The following TRPM3 variants were observed in gnomAD, a reference collection of about 807,000 sequenced individuals.
TRPM3 encodes the protein long transient receptor potential channel 3.
A neutral mutation model predicts 181.2 loss-of-function variants in TRPM3; 77 were observed. The ratio of observed to expected loss-of-function variants is 0.42; its 90% CI spans 0.35 to 0.51. The LOEUF is 0.51. Among genes scored for constraint, TRPM3 ranks in the 20% least tolerant of loss-of-function variants. The pLI, the probability that TRPM3 is intolerant of heterozygous loss-of-function variation, is 0.01. For missense variants in TRPM3, 1,759 were observed against 2,196.7 expected (o/e 0.80, Z 3.98); for synonymous variants, 745 against 796.4 (o/e 0.94, Z 1.09).
At chr9:71,169,058 T>C (rs543045055) in intron 1 of TRPM3, among the ~76,000 whole-genome samples, 1 of 152,210 alleles carries the variant, frequency 6.6e-6, no homozygotes, top group African/African-American at 2.4e-5. Context: ...AGGGAGATAA[T>C]AGGGAGTGGT....
At chr9:71,168,086 C>T (rs1400352108) in intron 1 of TRPM3, among the ~76,000 whole-genome samples, 1 of 152,068 alleles carries the variant, frequency 6.6e-6, no homozygotes, top group Non-Finnish European at 1.5e-5. Context: ...TAAAGCAAAA[C>T]AAGTTAAAAA....
intron 8 of TRPM3, among the ~76,000 whole-genome samples, chr9:70,696,922 G>T (rs776020527): frequency 2.6e-5 from 4 of 152,066 alleles, no homozygotes; most frequent in Non-Finnish European, 1.5e-5. Flanking sequence ...TCAGTCCCAC[G>T]GGCAGAGAAA....
In TRPM3 at chr9:70,549,617, A is replaced by G. The variant is rs1410957354; in HGVS notation, c.3632T>C (p.Ile1211Thr). 7 of 1,613,216 alleles carry G rather than the reference A, an allele frequency of 4.3e-6. No homozygotes were observed. The highest frequency in any genetic ancestry group is 2.2e-5 in the East Asian group (1 of 44,844). Reference sequence around the variant, plus strand: ...ATCCTTTTCTCTGAAGTATTCTTCTATGCATTGCTCTTCAAAGTCATGTAC... The same window carrying G: ...ATCCTTTTCTCTGAAGTATTCTTCTGTGCATTGCTCTTCAAAGTCATGTAC... Reference protein sequence around the residue: ...KKVHDFEEQCIEEYFREKDDR... With the variant: ...KKVHDFEEQCTEEYFREKDDR... Residue 1211 changes from isoleucine (I) to threonine (T), a missense_variant, in exon 25 of 26, where the codon ATA becomes ACA. By Grantham distance (89) the Ile-to-Thr change is moderately conservative (BLOSUM62 -1). This residue lies in a region of TRPM3 where 96 missense variants were observed against 129.6 expected (regional missense o/e 0.74). Coordinates refer to ENST00000677713, the MANE Select transcript of TRPM3 (RefSeq NM_001366145.2).
At chr9:71,364,843 C>A (rs1050024948) in intron 1 of TRPM3, among the ~76,000 whole-genome samples, 1 of 152,298 alleles carries the variant, frequency 6.6e-6, no homozygotes, top group East Asian at 1.9e-4. Flanking sequence ...TACTGATACA[C>A]AAGAATACAT....
intron 1 of TRPM3, among the ~76,000 whole-genome samples, chr9:71,007,631 T>G (rs1393426351): frequency 6.6e-6 from 1 of 152,140 alleles, no homozygotes; most frequent in Non-Finnish European, 1.5e-5. Flanking sequence ...AAGAGATTAC[T>G]GAAGAAATTT....
intron 9 of TRPM3, among the ~76,000 whole-genome samples, chr9:70,671,466 T>G (rs568945032): frequency 1.3e-5 from 2 of 152,140 alleles, no homozygotes; most frequent in Non-Finnish European, 1.5e-5. Flanking sequence ...AAATGTAATC[T>G]CTTCACAAAT....
At chr9:70,871,872 T>C (rs2095795666) in intron 1 of TRPM3, among the ~76,000 whole-genome samples, 3 of 152,170 alleles carry the variant, frequency 2.0e-5, no homozygotes, top group Non-Finnish European at 4.4e-5. Flanking sequence ...TTCCCATTCA[T>C]TGTTAAAGAA....
chr9:70,885,616 C>T (rs904946995), intron 1 of TRPM3, among the ~76,000 whole-genome samples: 7 of 152,198 alleles, frequency 4.6e-5, no homozygotes, highest in Admixed American at 3.9e-4. Context: ...GCACTTGCTT[C>T]TGCTTTTTCT....
chr9:70,660,436 T>G (rs1019874520), intron 9 of TRPM3, among the ~76,000 whole-genome samples: 1 of 152,116 alleles, frequency 6.6e-6, no homozygotes, highest in African/African-American at 2.4e-5. Flanking sequence ...TGCTTCAAGT[T>G]GTCCTGACTT....
At chr9:71,363,284 A>G (rs987912876) in intron 1 of TRPM3, among the ~76,000 whole-genome samples, 4 of 152,244 alleles carry the variant, frequency 2.6e-5, no homozygotes, top group Admixed American at 1.3e-4. Flanking sequence ...CAGAATTGCT[A>G]GTCTTAAGTC....
rs1286395503 is a variant in TRPM3 at position 70,761,704 on chromosome 9, C to G, written c.1169G>C (p.Arg390Thr). The G allele has an allele frequency of 1.2e-6, 2 of 1,611,546 alleles. No homozygotes were observed. Among genetic ancestry groups the G allele is most frequent in the Non-Finnish European group, 1.7e-6 (2 of 1,178,158 alleles). ...CTGTATAGTCACCAACAGCTGGTCC[C>G]TCAAAGATTCATTTATCAGTCTGCA... ...EEGGLINESL[R>T]DQLLVTIQKT... The change falls in exon 8 of 26, where the codon AGG (arginine) becomes ACG (threonine). Residue 390 changes from arginine (R) to threonine (T), a missense_variant. Arg to Thr is a moderately conservative substitution (Grantham distance 71). Around this residue, in one of 8 missense-constraint regions of TRPM3, gnomAD observed 737 missense variants for 957.4 expected, o/e 0.77. Transcript: ENST00000677713.
chr9:70,580,285 G>A (rs867129373), intron 22 of TRPM3, among the ~76,000 whole-genome samples: 11 of 152,198 alleles, frequency 7.2e-5, no homozygotes, highest in South Asian at 2.1e-4. Context: ...CACACAAGGC[G>A]ACCTGCGAAT....
chr9:70,938,771 C>A (rs959711676), intron 1 of TRPM3, among the ~76,000 whole-genome samples: 2 of 151,572 alleles, frequency 1.3e-5, no homozygotes, highest in Non-Finnish European at 2.9e-5. Context: ...GCTAACACAG[C>A]GAAACCCCGT....
intron 1 of TRPM3, among the ~76,000 whole-genome samples, chr9:71,075,852 C>A (rs571278166): frequency 6.6e-6 from 1 of 152,154 alleles, no homozygotes; most frequent in African/African-American, 2.4e-5. Context: ...TTCATGTCAA[C>A]GGAGTGCATT....
At chr9:71,346,778 G>T (rs1369770947) in intron 1 of TRPM3, among the ~76,000 whole-genome samples, 1 of 152,208 alleles carries the variant, frequency 6.6e-6, no homozygotes, top group Non-Finnish European at 1.5e-5. Flanking sequence ...GTGTACAGAA[G>T]GGAACAGAGT....
intron 1 of TRPM3, among the ~76,000 whole-genome samples, chr9:71,413,205 C>A (rs1454782812): frequency 6.6e-6 from 1 of 151,852 alleles, no homozygotes; most frequent in African/African-American, 2.4e-5. Flanking sequence ...ATGTAACAAA[C>A]CTGCATGTTG....
intron 5 of TRPM3, among the ~76,000 whole-genome samples, chr9:70,828,324 C>T (rs1384811484): frequency 6.6e-6 from 1 of 152,144 alleles, no homozygotes; most frequent in Non-Finnish European, 1.5e-5. Flanking sequence ...TTGAAGTCAA[C>T]CTTGTATTTG....
chr9:71,054,304 A>G lies in TRPM3; in HGVS notation c.177+66874T>C, dbSNP rs147627014. Among the ~76,000 whole-genome samples the G allele has an allele frequency of 1.5e-3, 231 of 152,152 alleles. 1 individual carries two copies. Among genetic ancestry groups the G allele is most frequent in the African/African-American group, 5.3e-3 (220 of 41,534 alleles). Reference sequence around the variant, plus strand: ...ATGCTTCCCATGTGCAGGGGTGTGCATCTTTGGTTATCATTCAGGATGCTT... The same window carrying G: ...ATGCTTCCCATGTGCAGGGGTGTGCGTCTTTGGTTATCATTCAGGATGCTT... On this transcript the variant is annotated intron_variant, in intron 1 of 25. Transcript: ENST00000677713.
chr9:71,195,989 G>A (rs1011247210), intron 1 of TRPM3, among the ~76,000 whole-genome samples: 2 of 151,922 alleles, frequency 1.3e-5, no homozygotes, highest in African/African-American at 2.4e-5. Context: ...TTGGAGGAGG[G>A]AGAGGAGCAC....
Sources: gnomAD v4.1 joint callset for allele counts (sites outside exome capture counted in the v4.1 genomes callset) on GRCh38, gnomAD v4.1.1 for gene constraint, gnomAD v4.1.1 regional missense constraint, MANE v1.5 for transcripts, NCBI Gene and HGNC (gene_info 2026-07-23, HGNC 2026-07-21) for gene names.